Variants in LRP1B observed in about 807,000 individuals in gnomAD.
LRP1B encodes the protein LDL receptor related protein 1B, also known as low-density lipoprotein receptor-related protein 1B.
LRP1B carries 217 observed loss-of-function variants against 556.6 expected under a neutral mutation model. The observed-to-expected ratio is 0.39, with a 90% CI of 0.35 to 0.44. The LOEUF (loss-of-function observed/expected upper bound fraction) is 0.44, where lower values mean the gene tolerates loss of function less well. Ranked by LOEUF, LRP1B falls within the 20% of genes least tolerant of loss-of-function variation. The pLI, the probability that LRP1B is intolerant of heterozygous loss-of-function variation, is 1.00. For missense variants in LRP1B, 5,053 were observed against 5,620.8 expected (o/e 0.90, Z 3.23); for synonymous variants, 2,047 against 1,865.8 (o/e 1.10, Z -2.50).
intron 6 of LRP1B, among the ~76,000 whole-genome samples, chr2:141,223,529 C>T (rs1025063501): frequency 1.3e-5 from 2 of 152,144 alleles, no homozygotes; most frequent in Non-Finnish European, 2.9e-5. Flanking sequence ...TTAGAAAAAA[C>T]TATTTTAAAA....
At chr2:141,817,570 CTAAT>C (rs1238635152) in intron 1 of LRP1B, among the ~76,000 whole-genome samples, 4 of 151,950 alleles carry the variant, frequency 2.6e-5, no homozygotes, top group Admixed American at 1.3e-4. Flanking sequence ...CACAGACTAG[CTAAT>C]TTATATTTTC....
intron 2 of LRP1B, among the ~76,000 whole-genome samples, chr2:141,583,730 T>C (rs1687030304): frequency 6.6e-6 from 1 of 151,938 alleles, no homozygotes; most frequent in African/African-American, 2.4e-5. Context: ...TGAAGGTAAA[T>C]ATAAGAATAT....
At chr2:140,561,477 G>T (rs1404016713) in intron 43 of LRP1B, among the ~76,000 whole-genome samples, 3 of 152,068 alleles carry the variant, frequency 2.0e-5, no homozygotes, top group Non-Finnish European at 2.9e-5. Flanking sequence ...CATTCTGAAG[G>T]TTCCCATGTC....
At chr2:141,926,562 C>T (rs979898443) in intron 1 of LRP1B, among the ~76,000 whole-genome samples, 23 of 152,148 alleles carry the variant, frequency 1.5e-4, no homozygotes, top group African/African-American at 5.5e-4. Flanking sequence ...ATAGCTCACA[C>T]ACCCACCTTT....
At chr2:140,817,070 C>G (rs1691149868) in intron 31 of LRP1B, among the ~76,000 whole-genome samples, 1 of 152,014 alleles carries the variant, frequency 6.6e-6, no homozygotes, top group Non-Finnish European at 1.5e-5. Flanking sequence ...CATGAGAAAA[C>G]AGTCAAATGT....
rs59651364 is a variant in LRP1B at position 140,659,098 on chromosome 2, G to GTTTTTTTTTT, written c.6799+41142_6799+41151dup. The stretch of plus-strand genomic sequence containing the variant: ...TGGGTTGTCCCTAAACTGTAAATCT[G>GTTTTTTTTTT]TTTTTTTTTTTTTTTTTTTTTTTTT... On this transcript the variant is annotated intron_variant, in intron 41 of 90. Transcript: ENST00000389484. Among the ~76,000 whole-genome samples, 4 of 61,144 alleles carry GTTTTTTTTTT rather than the reference G, an allele frequency of 6.5e-5. 1 individual carries two copies. The highest frequency in any genetic ancestry group is 5.9e-4 in the Admixed American group (2 of 3,380). 40.1% of individuals were successfully genotyped at this position (61,144 alleles called of 152,430 possible).
chr2:140,782,528 C>T lies in LRP1B; in HGVS notation c.5360-6290G>A, dbSNP rs541183416. On this transcript the variant is annotated intron_variant, in intron 32 of 90. Transcript: ENST00000389484. ...GCCAACACCTTGATCTCAGACCTCT[C>T]GCCTCCAGAACTACCAGAAAACCAA... 6.6e-5 allele frequency among the ~76,000 whole-genome samples: 10 copies of T among 152,188 alleles called. No individual in the cohort carries two copies. In the East Asian group the frequency reaches 1.4e-3, roughly 21 times the overall value.
chr2:141,739,953 A>C (rs73963576), intron 2 of LRP1B, among the ~76,000 whole-genome samples: 3,183 of 152,220 alleles, frequency 0.021, 133 homozygotes, highest in African/African-American at 0.073. Flanking sequence ...TAGAAGTTAC[A>C]TGATGAGATA....
Position 140,840,059 on chromosome 2 carries a change from G to A in LRP1B, c.5141C>T (p.Thr1714Ile), listed in dbSNP as rs1163303255. The A allele has an allele frequency of 1.2e-6, 2 of 1,610,974 alleles. No individual in the cohort carries two copies. Among genetic ancestry groups the A allele is most frequent in the African/African-American group, 1.3e-5 (1 of 74,740 alleles). ...GCCATCCATATTTGCCATGTTAATTGTGTTTCCATCGGTCCAGTAGAGTTT... is the reference window on the plus strand; with the variant it reads ...GCCATCCATATTTGCCATGTTAATTATGTTTCCATCGGTCCAGTAGAGTTT... Reference protein sequence around the residue: ...RGKLYWTDGNTINMANMDGSN... With the variant: ...RGKLYWTDGNIINMANMDGSN... The change falls in exon 31 of 91, where the codon ACA (threonine) becomes ATA (isoleucine). Residue 1714 changes from threonine to isoleucine, a missense_variant. Physicochemically the swap from Thr to Ile is moderately conservative, Grantham distance 89. Around this residue, in one of 5 missense-constraint regions of LRP1B, gnomAD observed 3,619 missense variants for 3,931.9 expected, o/e 0.92. Transcript: ENST00000389484.
chr2:141,784,080 C>A (rs1379939098), intron 2 of LRP1B, among the ~76,000 whole-genome samples: 2 of 151,826 alleles, frequency 1.3e-5, no homozygotes, highest in African/African-American at 2.4e-5. Context: ...TTTGTTGGTA[C>A]TTTAAAAGTG....
chr2:140,247,312 G>A, intron 86 of LRP1B, 150 bp from the exon 87 acceptor site: 1 of 611,870 alleles, frequency 1.6e-6, no homozygotes, highest in Non-Finnish European at 3.0e-6. Flanking sequence ...ATGATCTCTT[G>A]CATATTGTTA....
chr2:141,586,034 A>T (rs1687126289), intron 2 of LRP1B, among the ~76,000 whole-genome samples: 2 of 152,146 alleles, frequency 1.3e-5, no homozygotes, highest in South Asian at 4.1e-4. Flanking sequence ...AATAACTTTA[A>T]AATGGGCTTT....
chr2:140,790,893 A>G (rs541171222), intron 32 of LRP1B, among the ~76,000 whole-genome samples: 60 of 152,000 alleles, frequency 3.9e-4, no homozygotes, highest in African/African-American at 1.3e-3. Context: ...TTGAGCCCAT[A>G]AGTTTGAGAC....
chr2:141,767,988 G>T (rs1694781377), intron 2 of LRP1B, among the ~76,000 whole-genome samples: 1 of 152,052 alleles, frequency 6.6e-6, no homozygotes, highest in African/African-American at 2.4e-5. Flanking sequence ...GGGAAACCAT[G>T]AAAAAGAAGA....
intron 7 of LRP1B, among the ~76,000 whole-genome samples, chr2:141,077,661 C>T (rs1249566523): frequency 6.6e-6 from 1 of 152,162 alleles, no homozygotes; most frequent in African/African-American, 2.4e-5. Context: ...TGATTTCCCC[C>T]GAGGAAGAAG....
At chr2:141,019,735 T>C (rs1166854275) in intron 12 of LRP1B, among the ~76,000 whole-genome samples, 187 bp downstream of exon 12, 1 of 152,098 alleles carries the variant, frequency 6.6e-6, no homozygotes, top group Non-Finnish European at 1.5e-5. Flanking sequence ...CAATGTATTC[T>C]GACATGTTTC....
At chr2:141,120,474 AT>A (rs1701019868) in intron 7 of LRP1B, among the ~76,000 whole-genome samples, 1 of 151,970 alleles carries the variant, frequency 6.6e-6, no homozygotes, top group South Asian at 2.1e-4. Flanking sequence ...TAACCTACAC[AT>A]AAGGCAATTT....
At chr2:141,599,680 T>C (rs1035293049) in intron 2 of LRP1B, among the ~76,000 whole-genome samples, 1 of 152,158 alleles carries the variant, frequency 6.6e-6, no homozygotes, top group South Asian at 2.1e-4. Flanking sequence ...AACTACATTA[T>C]GTCTCCATGT....
intron 2 of LRP1B, among the ~76,000 whole-genome samples, chr2:141,726,320 A>T (rs944937801): frequency 6.0e-5 from 9 of 150,182 alleles, no homozygotes; most frequent in South Asian, 2.1e-4. Flanking sequence ...AGGTAATTTT[A>T]AAAAAAAATT....
Sources: gnomAD v4.1 joint callset for allele counts (sites outside exome capture counted in the v4.1 genomes callset) on GRCh38, gnomAD v4.1.1 for gene constraint, gnomAD v4.1.1 regional missense constraint, MANE v1.5 for transcripts, NCBI Gene and HGNC (gene_info 2026-07-23, HGNC 2026-07-21) for gene names.